BAZ1B: variants seen among roughly 807,000 people sequenced by gnomAD.
The protein encoded by BAZ1B is tyrosine-protein kinase BAZ1B.
In BAZ1B, 22 loss-of-function variants were observed where a neutral mutation model predicts 153.8. The ratio of observed to expected loss-of-function variants is 0.14; its 90% CI spans 0.10 to 0.20. The LOEUF (loss-of-function observed/expected upper bound fraction) is 0.20. BAZ1B is among the 10% of genes least tolerant of loss of function. The pLI is 1.00. For synonymous variants in BAZ1B, 676 were observed against 633.4 expected, an observed-to-expected ratio of 1.07 and a Z score of -1.01; for missense variants, 1,325 against 1,799.3, an observed-to-expected ratio of 0.74 and a Z score of 4.77.
intron 6 of BAZ1B, among the ~76,000 whole-genome samples, chr7:73,479,234 C>T (rs1030684584): frequency 3.9e-5 from 6 of 152,018 alleles, no homozygotes; most frequent in Admixed American, 1.3e-4. Context: ...TCTGGCCAGG[C>T]GCAGTGGCTC....
At chr7:73,492,416 C>T (rs1216595719) in intron 5 of BAZ1B, among the ~76,000 whole-genome samples, 2 of 152,210 alleles carry the variant, frequency 1.3e-5, no homozygotes, top group Non-Finnish European at 2.9e-5. Context: ...CCCACCTCGG[C>T]CTCCCAAAGT....
Position 73,454,133 on chromosome 7 carries a change from TATAA to T in BAZ1B, c.3433-3143_3433-3140del, listed in dbSNP as rs71300785. On this transcript the variant is annotated intron_variant, in intron 13 of 19. Transcript: ENST00000339594. ...GGGCAATGTAGGGAAACCCCTTCTC[TATAA>T]ATAAATAAATAAATAAATAAATAAA... 6.2e-3 allele frequency among the ~76,000 whole-genome samples: 904 copies of T among 146,860 alleles called. 7 individuals carry two copies. Among genetic ancestry groups the T allele is most frequent in the African/African-American group, 0.021 (831 of 39,522 alleles).
chr7:73,501,922 ACT>A (rs1188017275), intron 3 of BAZ1B, among the ~76,000 whole-genome samples: 1 of 133,372 alleles, frequency 7.5e-6, no homozygotes, highest in Non-Finnish European at 1.5e-5. Context: ...ACGGAATCTC[ACT>A]CTGTCACCTA....
chr7:73,464,909 T>G (rs572927006), intron 11 of BAZ1B, among the ~76,000 whole-genome samples: 21 of 151,996 alleles, frequency 1.4e-4, no homozygotes, highest in African/African-American at 4.8e-4. Context: ...GTTTTGTTTT[T>G]TTTTTTCAGA....
At chr7:73,508,580 T>C (rs1790440209) in intron 2 of BAZ1B, 109 bp from the exon 3 acceptor site, 1 of 1,285,454 alleles carries the variant, frequency 7.8e-7, no homozygotes, top group African/African-American at 1.5e-5. Flanking sequence ...TTTCAAACAT[T>C]TATCGCTCTG....
Position 73,469,591 on chromosome 7 carries a change from T to C in BAZ1B, c.2792A>G (p.Asp931Gly). The C allele has an allele frequency of 6.2e-7, 1 of 1,614,152 alleles. No individual in the cohort carries two copies. Among genetic ancestry groups the C allele is most frequent in the Non-Finnish European group, 8.5e-7 (1 of 1,179,996 alleles). The change falls in exon 9 of 20, where the codon GAC becomes GGC. Residue 931 changes from aspartate (D) to glycine (G), a missense_variant. Transcript: ENST00000339594. The stretch of plus-strand genomic sequence containing the variant: ...ATGGTTGAATCGGTAGTCAATGCTG[T>C]CATGTACCCAGCCTTTTTCAATGAA... ...GLFIEKGWVHDSIDYRFNHHC... is the reference protein window; with the variant it reads ...GLFIEKGWVHGSIDYRFNHHC...
chr7:73,500,890 T>TAA (rs1207744313), intron 3 of BAZ1B, among the ~76,000 whole-genome samples: 29 of 105,212 alleles, frequency 2.8e-4, no homozygotes, highest in Middle Eastern at 5.0e-3. Context: ...ACTCTGTTTA[T>TAA]AAAAAAAAAA....
chr7:73,466,088 A>T (rs2116298659), intron 10 of BAZ1B, among the ~76,000 whole-genome samples: 1 of 152,334 alleles, frequency 6.6e-6, no homozygotes, highest in South Asian at 2.1e-4. Context: ...GGGGGAAAAA[A>T]TCAAAATTCC....
At chr7:73,498,882 A>C (rs1790019455) in intron 3 of BAZ1B, among the ~76,000 whole-genome samples, 184 bp from the exon 4 acceptor site, 1 of 152,246 alleles carries the variant, frequency 6.6e-6, no homozygotes, top group South Asian at 2.1e-4. Flanking sequence ...GAAATATGAC[A>C]GCCTAAAAAA....
chr7:73,458,002 C>G (rs983014252), intron 13 of BAZ1B, among the ~76,000 whole-genome samples: 3 of 152,124 alleles, frequency 2.0e-5, no homozygotes, highest in Non-Finnish European at 4.4e-5. Flanking sequence ...CCCGGTTAAC[C>G]TAAGTAAAAT....
intron 1 of BAZ1B, among the ~76,000 whole-genome samples, chr7:73,515,531 C>CTTTTTTT (rs869065388): frequency 8.1e-5 from 9 of 111,390 alleles, no homozygotes; most frequent in Admixed American, 2.0e-4. Flanking sequence ...AGCCTTGTTC[C>CTTTTTTT]TTTTTTTTTT....
chr7:73,444,959 A>G (rs1483859346), intron 16 of BAZ1B, among the ~76,000 whole-genome samples: 2 of 152,102 alleles, frequency 1.3e-5, no homozygotes, highest in Non-Finnish European at 2.9e-5. Context: ...GGTTGCAGTG[A>G]GCCGAGATCA....
At chr7:73,495,284 A>AAAATAAAT (rs532460669) in intron 4 of BAZ1B, among the ~76,000 whole-genome samples, 1 of 152,176 alleles carries the variant, frequency 6.6e-6, no homozygotes, top group Non-Finnish European at 1.5e-5. Flanking sequence ...CTCCGTCTCA[A>AAAATAAAT]AAATAAATAA....
intron 15 of BAZ1B, 122 bp downstream of exon 15, chr7:73,449,420 C>G: frequency 8.2e-7 from 1 of 1,212,916 alleles, no homozygotes; most frequent in Non-Finnish European, 1.1e-6. Flanking sequence ...AATGATCAGG[C>G]TCTGTACCCA....
intron 15 of BAZ1B, among the ~76,000 whole-genome samples, chr7:73,448,026 C>T (rs1583884796): frequency 6.6e-6 from 1 of 152,184 alleles, no homozygotes; most frequent in Non-Finnish European, 1.5e-5. Context: ...AAGCCCAGGC[C>T]GGGCACCGTG....
At chr7:73,476,605 T>C (rs566194893) in intron 7 of BAZ1B, among the ~76,000 whole-genome samples, 1 of 152,320 alleles carries the variant, frequency 6.6e-6, no homozygotes, top group South Asian at 2.1e-4. Flanking sequence ...TTTCTATTTG[T>C]AGATTTGGTC....
intron 4 of BAZ1B, 112 bp downstream of exon 4, chr7:73,498,385 A>G (rs1554576631): frequency 5.1e-6 from 5 of 985,956 alleles, no homozygotes; most frequent in African/African-American, 1.6e-5. Context: ...GAACAAAATC[A>G]TGTCTACATA....
intron 14 of BAZ1B, 95 bp from the exon 15 acceptor site, chr7:73,449,784 C>G: frequency 4.5e-6 from 6 of 1,346,018 alleles, no homozygotes; most frequent in Non-Finnish European, 6.0e-6. Flanking sequence ...TCAAGGCACA[C>G]GAGGAGACAT....
intron 1 of BAZ1B, among the ~76,000 whole-genome samples, chr7:73,511,301 G>T (rs566491271): frequency 1.3e-5 from 2 of 151,994 alleles, no homozygotes; most frequent in East Asian, 3.9e-4. Flanking sequence ...TGAAAAAAAT[G>T]GAATCAGGGC....
Sources: gnomAD v4.1 joint callset for allele counts (sites outside exome capture counted in the v4.1 genomes callset) on GRCh38, gnomAD v4.1.1 for gene constraint, MANE v1.5 for transcripts, NCBI Gene and HGNC (gene_info 2026-07-23, HGNC 2026-07-21) for gene names.